The following APOOL variants were observed in gnomAD, a reference collection of about 807,000 sequenced individuals.
APOOL encodes MICOS complex subunit MIC27.
APOOL carries 12 observed loss-of-function variants against 23.1 expected under a neutral mutation model. The observed-to-expected ratio is 0.52, with a 90% confidence interval of 0.33 to 0.84. The LOEUF is 0.84. APOOL is among the 40% of genes least tolerant of loss of function. APOOL has a pLI of 0.02. For missense variants in APOOL, 212 were observed against 199.6 expected, an observed-to-expected ratio of 1.06 and a Z score of -0.37; for synonymous variants, 77 against 69.9, an observed-to-expected ratio of 1.10 and a Z score of -0.51.
chrX:85,029,854 A>G lies in APOOL; in HGVS notation c.16-16592A>G, dbSNP rs150150531. 1.4e-3 allele frequency among the ~76,000 whole-genome samples: 153 copies of G among 112,373 alleles called. 3 individuals are homozygous for G. In the East Asian group the frequency reaches 0.028, roughly 21 times the overall value. ...AAGAATGGCCATAATTAAAAAGCCAAAAAGCAGTAGCTGTTCATGTGGATG... is the reference window on the plus strand; with the variant it reads ...AAGAATGGCCATAATTAAAAAGCCAGAAAGCAGTAGCTGTTCATGTGGATG... On this transcript the variant is annotated intron_variant, in intron 1 of 8. Transcript: ENST00000373173.
chrX:85,015,542 A>T (rs762532737), intron 1 of APOOL, among the ~76,000 whole-genome samples: 3 of 98,982 alleles, frequency 3.0e-5, no homozygotes, highest in South Asian at 9.0e-4. Context: ...TCGGACTTTA[A>T]TATTTATTTA....
chrX:85,026,727 A>C (rs927107046), intron 1 of APOOL, among the ~76,000 whole-genome samples: 11 of 111,647 alleles, frequency 9.9e-5, no homozygotes, highest in Non-Finnish European at 1.7e-4. Context: ...TTACTAAGGC[A>C]TAGCAAGGCT....
At chrX:85,028,401 GT>G (rs1921912978) in intron 1 of APOOL, among the ~76,000 whole-genome samples, 1 of 111,186 alleles carries the variant, frequency 9.0e-6, no homozygotes, top group African/African-American at 3.3e-5. Context: ...TTTTTTAAAA[GT>G]TTTGTAGGTA....
intron 8 of APOOL, among the ~76,000 whole-genome samples, chrX:85,084,523 T>G (rs1290494096): frequency 5.9e-5 from 6 of 101,752 alleles, no homozygotes; most frequent in Non-Finnish European, 1.2e-4. Flanking sequence ...TACTTGAGGG[T>G]TTTTTTTTTT....
chrX:85,040,972 C>T (rs1490566055), intron 1 of APOOL, among the ~76,000 whole-genome samples: 2 of 111,840 alleles, frequency 1.8e-5, no homozygotes, highest in Admixed American at 1.9e-4. Flanking sequence ...TTCCAGTTGC[C>T]CGAGTTCTTG....
rs779012099 is a variant in APOOL at position 85,051,444 on chromosome X, G to A, written c.176G>A (p.Gly59Asp). ...LQSKYVEEQP[G>D]HLQMGFASIR... ...TCTAAATATGTTGAAGAGCAGCCTG[G>A]TCATTTACAAATGGGCTTTGCTTCC... is the stretch of plus-strand genomic sequence containing the variant. Residue 59 changes from glycine (G) to aspartate (D), a missense_variant, in exon 3 of 9, where the codon GGT (glycine) becomes GAT (aspartate). Physicochemically the swap from Gly to Asp is moderately conservative, Grantham distance 94 (BLOSUM62 -1). Transcript: ENST00000373173. 16 of 1,208,967 alleles carry A rather than the reference G, an allele frequency of 1.3e-5. No homozygotes were observed. The Admixed American group carries it at 3.5e-4, about 27-fold the overall frequency.
chrX:85,029,663 C>A (rs1921964677), intron 1 of APOOL, among the ~76,000 whole-genome samples: 3 of 111,105 alleles, frequency 2.7e-5, no homozygotes, highest in Non-Finnish European at 5.7e-5. Context: ...ATAAGGAACT[C>A]AAATCACCAA....
chrX:85,027,018 A>G (rs748362062), intron 1 of APOOL, among the ~76,000 whole-genome samples: 21 of 112,022 alleles, frequency 1.9e-4, no homozygotes, highest in Non-Finnish European at 3.2e-4. Flanking sequence ...TGGCACTGCT[A>G]TAAGGAAATA....
At chrX:85,048,820 T>C (rs1231799583) in intron 2 of APOOL, among the ~76,000 whole-genome samples, 3 of 111,873 alleles carry the variant, frequency 2.7e-5, no homozygotes, top group Non-Finnish European at 5.6e-5. Flanking sequence ...TCTTTTTAAA[T>C]ATTCTCAATA....
chrX:85,027,356 G>T (rs960174424), intron 1 of APOOL, among the ~76,000 whole-genome samples: 4 of 111,190 alleles, frequency 3.6e-5, no homozygotes, highest in African/African-American at 1.3e-4. Flanking sequence ...CTATATTGGG[G>T]ATTAATATTC....
chrX:85,043,691 G>A, intron 1 of APOOL, among the ~76,000 whole-genome samples: 1 of 111,022 alleles, frequency 9.0e-6, no homozygotes. Flanking sequence ...TAGTGTGCCA[G>A]TCTTCCTGAT....
intron 1 of APOOL, among the ~76,000 whole-genome samples, chrX:85,013,182 T>A (rs1201391673): frequency 8.9e-6 from 1 of 111,933 alleles, no homozygotes; most frequent in Non-Finnish European, 1.9e-5. Context: ...AGTTGTAATA[T>A]CTCCCTTTTC....
chrX:85,033,918 C>T (rs947145605), intron 1 of APOOL, among the ~76,000 whole-genome samples: 2 of 111,460 alleles, frequency 1.8e-5, no homozygotes, highest in African/African-American at 3.3e-5. Flanking sequence ...TTCCTTGTTA[C>T]TTCTCCCATT....
At chrX:85,066,121 T>C (rs1923446174) in intron 5 of APOOL, among the ~76,000 whole-genome samples, 1 of 111,790 alleles carries the variant, frequency 8.9e-6, no homozygotes, top group South Asian at 3.8e-4. Flanking sequence ...ATATACCAGA[T>C]AGGCTGTTCC....
chrX:85,049,943 G>A (rs759581073), intron 2 of APOOL, among the ~76,000 whole-genome samples: 7 of 111,607 alleles, frequency 6.3e-5, no homozygotes, highest in Admixed American at 9.6e-5. Context: ...AGTAAATAAC[G>A]TTGCCCACTC....
intron 1 of APOOL, among the ~76,000 whole-genome samples, chrX:85,025,588 C>T (rs1388762382): frequency 8.9e-6 from 1 of 112,473 alleles, no homozygotes. Context: ...ATTAGGTAAA[C>T]ATTCTCTTTC....
intron 3 of APOOL, among the ~76,000 whole-genome samples, chrX:85,052,325 C>T (rs779991649): frequency 8.9e-6 from 1 of 112,009 alleles, no homozygotes; most frequent in African/African-American, 3.2e-5. Flanking sequence ...TAATGCTTAG[C>T]CTTCAATCAG....
chrX:85,077,060 CGT>C (rs1491482591), intron 8 of APOOL, among the ~76,000 whole-genome samples: 52 of 65,003 alleles, frequency 8.0e-4, no homozygotes, highest in Non-Finnish European at 1.1e-3. Flanking sequence ...TGTATATACA[CGT>C]ATATATATAT....
rs778647794 is a variant in APOOL, at chrX:85,092,273, T to C, written c.*4595T>C. On this transcript the variant is annotated 3_prime_UTR_variant, in exon 9 of 9. Transcript: ENST00000373173. The stretch of plus-strand genomic sequence containing the variant: ...ATCTGTTTCAAAATAAAAGATCTGC[T>C]CAAACAAGAATGTGATGATCACTTG... 1.2e-6 allele frequency: 1 copy of C among 816,782 alleles called. No individual in the cohort carries two copies. The highest frequency in any genetic ancestry group is 4.1e-5 in the Admixed American group (1 of 24,483). The allele number at this position is 816,782 out of a possible 1,213,427, so 67.3% of individuals were successfully genotyped here.
Sources: allele counts gnomAD v4.1 joint callset (sites outside exome capture counted in the v4.1 genomes callset), GRCh38; gene constraint gnomAD v4.1.1; transcripts MANE v1.5; gene names NCBI Gene and HGNC (gene_info 2026-07-23, HGNC 2026-07-21).